CHRNA6: variants seen among roughly 807,000 people sequenced by gnomAD.
CHRNA6 encodes cholinergic receptor nicotinic alpha 6 subunit.
In CHRNA6, 31 loss-of-function variants were observed where a neutral mutation model predicts 40.9. The ratio of observed to expected loss-of-function variants is 0.76; its 90% CI spans 0.57 to 1.02. The LOEUF (loss-of-function observed/expected upper bound fraction) is 1.02, where lower values mean the gene tolerates loss of function less well. Ranked by LOEUF, CHRNA6 falls within the 50% of genes least tolerant of loss-of-function variation. The pLI is 0.00. For missense variants in CHRNA6, 546 were observed against 596.6 expected, an observed-to-expected ratio of 0.92 and a Z score of 0.88; for synonymous variants, 222 against 221.3, an observed-to-expected ratio of 1.00 and a Z score of -0.03.
At chr8:42,755,046 T>TTA (rs1816773541) in intron 5 of CHRNA6, among the ~76,000 whole-genome samples, 1 of 150,630 alleles carries the variant, frequency 6.6e-6, no homozygotes, top group African/African-American at 2.5e-5. Flanking sequence ...AGGGGCTTTT[T>TTA]TTTTTTTTTC....
chr8:42,762,363 G>A (rs982224972), intron 2 of CHRNA6, among the ~76,000 whole-genome samples: 6 of 152,152 alleles, frequency 3.9e-5, no homozygotes, highest in African/African-American at 7.2e-5. Context: ...TAAACAAAGC[G>A]CCATGGTCCA....
rs141661289 is a variant in CHRNA6 at position 42,756,611 on chromosome 8, A to G, written c.588T>C (p.Asp196=). ...IDLLIIGSKV[D]MNDFWENSEW... ...CACTGTTTTCCCAAAAATCATTCATATCCACTTTTGATCCAATGATTAGAA... is the reference window on the plus strand; with the variant it reads ...CACTGTTTTCCCAAAAATCATTCATGTCCACTTTTGATCCAATGATTAGAA... Residue 196 remains aspartate, a synonymous_variant, in exon 5 of 6, where the codon GAT becomes GAC. Coordinates refer to ENST00000276410, the MANE Select transcript of CHRNA6 (RefSeq NM_004198.3). 331 of 1,614,126 alleles carry G rather than the reference A, an allele frequency of 2.1e-4. No homozygotes were observed. The African/African-American group carries it at 3.8e-3, about 19-fold the overall frequency.
intron 2 of CHRNA6, among the ~76,000 whole-genome samples, chr8:42,760,417 C>T (rs17621710): frequency 0.079 from 11,961 of 151,988 alleles, 638 homozygotes; most frequent in Middle Eastern, 0.15. Context: ...TACTCTTATA[C>T]GTATACTCTC....
At position 42,755,945 on chromosome 8, in the gene CHRNA6, C is replaced by T. The variant is rs201030441; in HGVS notation, c.1254G>A (p.Trp418Ter). Residue 418 changes from tryptophan (W) to a stop codon, truncating the protein, a stop_gained, in exon 5 of 6, where the codon TGG becomes TGA. Transcript: ENST00000276410. LOFTEE classifies it high-confidence loss of function. ...GCGAGTGCTCCGAATTTTCCACCAC[C>T]CACTGTAATGGCTGATGACTTAATC... ...KRRLSHQPLQWVVENSEHSPE... is the reference protein window; with the variant it reads ...KRRLSHQPLQ 2 of 1,614,248 alleles carry T rather than the reference C, an allele frequency of 1.2e-6. No individual in the cohort carries two copies. The highest frequency in any genetic ancestry group is 1.7e-6 in the Non-Finnish European group (2 of 1,180,044).
intron 3 of CHRNA6, among the ~76,000 whole-genome samples, chr8:42,757,540 C>T (rs7002242): frequency 0.13 from 18,822 of 144,626 alleles, 1,439 homozygotes; most frequent in African/African-American, 0.21. Flanking sequence ...CTGGCTAACA[C>T]GGTGAAACCC....
At chr8:42,759,208 C>T in intron 2 of CHRNA6, 95 bp from the exon 3 acceptor site, 1 of 900,872 alleles carries the variant, frequency 1.1e-6, no homozygotes, top group Non-Finnish European at 1.9e-6. Context: ...CCAAATCTGA[C>T]TTATTCATGC....
At chr8:42,767,415 C>T (rs985215794) in intron 1 of CHRNA6, among the ~76,000 whole-genome samples, 2 of 152,118 alleles carry the variant, frequency 1.3e-5, no homozygotes, top group South Asian at 4.2e-4. Context: ...TGACATAATT[C>T]ATTTCATTAC....
intron 1 of CHRNA6, among the ~76,000 whole-genome samples, chr8:42,767,251 G>A (rs1474851468): frequency 6.6e-6 from 1 of 152,262 alleles, no homozygotes; most frequent in East Asian, 1.9e-4. Context: ...ACAGGCATGA[G>A]CCACCGCGCC....
At position 42,756,215 on chromosome 8, in the gene CHRNA6, G is replaced by C; in HGVS notation, c.984C>G (p.His328Gln). 6.2e-7 allele frequency: 1 copy of C among 1,614,210 alleles called. No individual in the cohort carries two copies. The highest frequency in any genetic ancestry group is 8.5e-7 in the Non-Finnish European group (1 of 1,180,042). ...TTGTGTGCGTGGTTGGGGTGCGGTA[G>C]TGTATGTTCAACACAAACACAGTCA... ...IVVTVFVLNIHYRTPTTHTMP... is the reference protein window; with the variant it reads ...IVVTVFVLNIQYRTPTTHTMP... Residue 328 changes from histidine to glutamine, a missense_variant, in exon 5 of 6, where the codon CAC becomes CAG. Physicochemically the swap from His to Gln is conservative, Grantham distance 24 (BLOSUM62 0). Transcript: ENST00000276410.
chr8:42,759,215 A>G, intron 2 of CHRNA6, 102 bp from the exon 3 acceptor site: 2 of 852,780 alleles, frequency 2.3e-6, no homozygotes, highest in Non-Finnish European at 4.0e-6. Flanking sequence ...TGACTTATTC[A>G]TGCCAATAGA....
rs1586423220 is a variant in CHRNA6, at chr8:42,754,908, G to A, written c.1353+938C>T. On this transcript the variant is annotated intron_variant, in intron 5 of 5. Coordinates refer to ENST00000276410, the MANE Select transcript of CHRNA6 (RefSeq NM_004198.3). ...CAAGTGGGGCCAGAGCTGCCGGAACGAATGCACTCTCGCCCTCTCCCACAT... is the reference window on the plus strand; with the variant it reads ...CAAGTGGGGCCAGAGCTGCCGGAACAAATGCACTCTCGCCCTCTCCCACAT... Among the ~76,000 whole-genome samples the A allele has an allele frequency of 2.0e-5, 3 of 152,242 alleles. No homozygotes were observed. In the South Asian group the frequency reaches 6.2e-4, roughly 32 times the overall value.
At position 42,756,836 on chromosome 8, in the gene CHRNA6, G is replaced by C; in HGVS notation, c.375-12C>G. On this transcript the variant is annotated splice_polypyrimidine_tract_variant and intron_variant, in intron 4 of 5. Transcript: ENST00000276410. ...AGTCACCAACAGCACTGCAAAGCAA[G>C]TCAGACACCATTAGTAACACTCCCT... The C allele has an allele frequency of 6.2e-7, 1 of 1,607,034 alleles. No individual in the cohort carries two copies.
intron 3 of CHRNA6, among the ~76,000 whole-genome samples, chr8:42,758,799 C>A (rs1225452169): frequency 6.6e-6 from 1 of 152,164 alleles, no homozygotes; most frequent in African/African-American, 2.4e-5. Context: ...GCATCAGACC[C>A]TGGAGCTCAA....
At chr8:42,762,071 G>C (rs184986286) in intron 2 of CHRNA6, among the ~76,000 whole-genome samples, 1 of 152,264 alleles carries the variant, frequency 6.6e-6, no homozygotes, top group Non-Finnish European at 1.5e-5. Flanking sequence ...CACACTTCCA[G>C]GTAGAGCCCT....
chr8:42,754,919 C>T (rs1308467821), intron 5 of CHRNA6, among the ~76,000 whole-genome samples: 1 of 152,144 alleles, frequency 6.6e-6, no homozygotes, highest in African/African-American at 2.4e-5. Context: ...AATGCACTCT[C>T]GCCCTCTCCC....
At chr8:42,767,802 C>T (rs1816994754) in intron 1 of CHRNA6, among the ~76,000 whole-genome samples, 1 of 152,162 alleles carries the variant, frequency 6.6e-6, no homozygotes, top group Non-Finnish European at 1.5e-5. Flanking sequence ...CCTTGAAAAG[C>T]AAGTCCCCTG....
rs570846573 is a variant in CHRNA6 at position 42,753,042 on chromosome 8, T to A, written c.*137A>T. On this transcript the variant is annotated 3_prime_UTR_variant, in exon 6 of 6. Transcript: ENST00000276410. ...TTCTGCTTCCTAATGTGCAAGAAAG[T>A]CCTCTTTTTCCATGTAGCCATCAGT... 5 of 720,594 alleles carry A rather than the reference T, an allele frequency of 6.9e-6. No individual in the cohort carries two copies. The South Asian group carries it at 9.3e-5, about 13-fold the overall frequency. The allele number at this position is 720,594 out of a possible 1,614,324, so 44.6% of individuals were successfully genotyped here.
At position 42,768,534 on chromosome 8, in the gene CHRNA6, A is replaced by G; in HGVS notation, c.-104T>C. 1.3e-6 allele frequency: 1 copy of G among 769,878 alleles called. No individual in the cohort carries two copies. The highest frequency in any genetic ancestry group is 1.6e-5 in the South Asian group (1 of 64,350). The allele number at this position is 769,878 out of a possible 1,614,324, so 47.7% of individuals were successfully genotyped here. A position where few individuals can be genotyped will look rare whatever the true frequency, so the allele number is the denominator to read the frequency against. ...CCAACCTTGACATCATCAGAAGCCC[A>G]CTGCAATCCGTGTGTGTCTTCTCAG... On this transcript the variant is annotated 5_prime_UTR_variant, in exon 1 of 6. Coordinates refer to ENST00000276410, the MANE Select transcript of CHRNA6 (RefSeq NM_004198.3).
chr8:42,759,423 G>A, intron 2 of CHRNA6: 1 of 276,936 alleles, frequency 3.6e-6, no homozygotes, highest in Non-Finnish European at 7.0e-6. Flanking sequence ...ATGAAAGGAA[G>A]GAAAGAAAAG....
Sources: gnomAD v4.1 joint callset for allele counts (sites outside exome capture counted in the v4.1 genomes callset) on GRCh38, gnomAD v4.1.1 for gene constraint, MANE v1.5 for transcripts, NCBI Gene and HGNC (gene_info 2026-07-23, HGNC 2026-07-21) for gene names.